Variants in ERC1 observed in about 807,000 individuals in gnomAD.
ERC1 encodes the protein ELKS/RAB6-interacting/CAST family member 1, also known as RAB6 interacting protein 2.
ERC1 carries 56 observed loss-of-function variants against 132.0 expected under a neutral mutation model. The observed-to-expected ratio is 0.42, with a 90% CI of 0.34 to 0.53. The LOEUF (loss-of-function observed/expected upper bound fraction) is 0.53. Among genes scored for constraint, ERC1 ranks in the 20% least tolerant of loss-of-function variants. The pLI is 0.03. For synonymous variants in ERC1, 478 were observed against 476.1 expected (o/e 1.00, Z -0.05); for missense variants, 1,202 against 1,349.9 (o/e 0.89, Z 1.72).
chr12:1,241,394 G>C (rs564569874), intron 13 of ERC1, among the ~76,000 whole-genome samples: 2 of 152,168 alleles, frequency 1.3e-5, no homozygotes, highest in Admixed American at 1.3e-4. Context: ...GAATTACATT[G>C]AGGAATGATG....
Position 1,400,957 on chromosome 12 carries a change from A to G in ERC1, c.2926-7192A>G, listed in dbSNP as rs569530905. ...TTTTTTTTTTTTTTTTTTTTTTGTGACGGAGTCTTGCTCTATCGCCCAGGC... is the reference window on the plus strand; with the variant it reads ...TTTTTTTTTTTTTTTTTTTTTTGTGGCGGAGTCTTGCTCTATCGCCCAGGC... On this transcript the variant is annotated intron_variant, in intron 16 of 18. Coordinates refer to ENST00000360905, the MANE Select transcript of ERC1 (RefSeq NM_178040.4). 1.1e-3 allele frequency among the ~76,000 whole-genome samples: 67 copies of G among 59,722 alleles called. 1 individual carries two copies. The highest frequency in any genetic ancestry group is 6.1e-3 in the Admixed American group (21 of 3,450). 39.2% of individuals were successfully genotyped at this position (59,722 alleles called of 152,430 possible).
intron 16 of ERC1, among the ~76,000 whole-genome samples, chr12:1,395,529 A>G (rs1330692876): frequency 2.0e-5 from 3 of 152,160 alleles, no homozygotes; most frequent in Non-Finnish European, 4.4e-5. Flanking sequence ...TCTGCACAGC[A>G]TATGGGAAAG....
At chr12:1,160,837 G>GCTC in intron 8 of ERC1, among the ~76,000 whole-genome samples, 1 of 152,128 alleles carries the variant, frequency 6.6e-6, no homozygotes, top group Non-Finnish European at 1.5e-5. Flanking sequence ...CTTAAGCAAT[G>GCTC]CTCCTGCCTT....
At chr12:1,272,741 A>G (rs1594703267) in intron 14 of ERC1, among the ~76,000 whole-genome samples, 2 of 152,178 alleles carry the variant, frequency 1.3e-5, no homozygotes, top group South Asian at 4.2e-4. Context: ...CGAGGTCAAG[A>G]GTTCAAGACC....
At chr12:1,065,971 A>G (rs1939105958) in intron 2 of ERC1, among the ~76,000 whole-genome samples, 1 of 152,190 alleles carries the variant, frequency 6.6e-6, no homozygotes, top group Non-Finnish European at 1.5e-5. Context: ...AGATAAATCT[A>G]CAGATGTAGA....
At chr12:999,942 G>C (rs1207530507) in intron 1 of ERC1, among the ~76,000 whole-genome samples, 1 of 152,180 alleles carries the variant, frequency 6.6e-6, no homozygotes. Flanking sequence ...TACTGCGTGT[G>C]TAGCTATTGA....
At chr12:1,081,339 G>A (rs942335591) in intron 2 of ERC1, among the ~76,000 whole-genome samples, 4 of 152,012 alleles carry the variant, frequency 2.6e-5, no homozygotes, top group Non-Finnish European at 5.9e-5. Context: ...TATTTAATTA[G>A]CCACCCATGT....
At chr12:1,421,644 A>G (rs1272580758) in intron 17 of ERC1, among the ~76,000 whole-genome samples, 5 of 152,170 alleles carry the variant, frequency 3.3e-5, no homozygotes, top group Non-Finnish European at 5.9e-5. Context: ...GATGTTATCT[A>G]TAGGAGTAAT....
intron 15 of ERC1, among the ~76,000 whole-genome samples, chr12:1,306,989 C>A (rs901653236): frequency 1.8e-4 from 27 of 152,070 alleles, no homozygotes; most frequent in Admixed American, 1.3e-4. Context: ...CAGCTGGCAT[C>A]CTGGGAAGTG....
At chr12:1,262,655 T>C (rs2077215084) in intron 13 of ERC1, among the ~76,000 whole-genome samples, 1 of 151,886 alleles carries the variant, frequency 6.6e-6, no homozygotes, top group South Asian at 2.1e-4. Context: ...TGTTTTGATA[T>C]TCGGTCGAAT....
At chr12:1,278,974 AT>A (rs919946260) in intron 14 of ERC1, among the ~76,000 whole-genome samples, 15 of 152,278 alleles carry the variant, frequency 9.9e-5, no homozygotes, top group African/African-American at 3.4e-4. Context: ...AAAAGTGGAG[AT>A]TTTATACTCA....
At chr12:1,137,779 G>A (rs1398864134) in intron 7 of ERC1, among the ~76,000 whole-genome samples, 1 of 151,580 alleles carries the variant, frequency 6.6e-6, no homozygotes, top group Non-Finnish European at 1.5e-5. Flanking sequence ...CTTGAACCCA[G>A]GAGGCAGAGG....
At chr12:1,309,838 T>C (rs190779607) in intron 15 of ERC1, among the ~76,000 whole-genome samples, 111 of 152,272 alleles carry the variant, frequency 7.3e-4, no homozygotes, top group Middle Eastern at 3.4e-3. Context: ...TCTGTGTGAC[T>C]GTAAGCAAGT....
At chr12:1,217,163 T>A (rs1230347426) in intron 12 of ERC1, among the ~76,000 whole-genome samples, 1 of 152,192 alleles carries the variant, frequency 6.6e-6, no homozygotes, top group Non-Finnish European at 1.5e-5. Context: ...GTGAAAAAAG[T>A]TGACAATATA....
chr12:1,318,158 A>AT, intron 15 of ERC1, among the ~76,000 whole-genome samples: 1 of 152,252 alleles, frequency 6.6e-6, no homozygotes, highest in Middle Eastern at 3.4e-3. Flanking sequence ...ATTTGGGAGG[A>AT]TTTTTTAAAA....
At chr12:1,195,334 TA>T (rs1400314596) in intron 12 of ERC1, among the ~76,000 whole-genome samples, 1 of 152,252 alleles carries the variant, frequency 6.6e-6, no homozygotes, top group Non-Finnish European at 1.5e-5. Context: ...TTTTATACAT[TA>T]AACTTCAGTT....
At chr12:1,067,060 C>T (rs1377341880) in intron 2 of ERC1, among the ~76,000 whole-genome samples, 1 of 152,032 alleles carries the variant, frequency 6.6e-6, no homozygotes, top group Non-Finnish European at 1.5e-5. Context: ...TGCCTGCCTC[C>T]ACCTCCCAAA....
At chr12:1,415,441 A>G (rs914920165) in intron 17 of ERC1, among the ~76,000 whole-genome samples, 6 of 152,254 alleles carry the variant, frequency 3.9e-5, no homozygotes, top group African/African-American at 1.4e-4. Flanking sequence ...GATGATGTAA[A>G]TATTAACACA....
intron 12 of ERC1, among the ~76,000 whole-genome samples, chr12:1,218,963 C>G (rs1958699657): frequency 6.6e-6 from 1 of 152,028 alleles, no homozygotes; most frequent in African/African-American, 2.4e-5. Flanking sequence ...ACCTCTGCCT[C>G]CCAGGTTCAA....
Sources: allele counts gnomAD v4.1 joint callset (sites outside exome capture counted in the v4.1 genomes callset), GRCh38; gene constraint gnomAD v4.1.1; transcripts MANE v1.5; gene names NCBI Gene and HGNC (gene_info 2026-07-23, HGNC 2026-07-21).